Variants in PPT1 observed in about 807,000 individuals in gnomAD.
PPT1 encodes the protein ceroid-palmitoyl-palmitoyl-protein thioesterase 1.
PPT1 carries 24 observed loss-of-function variants against 44.0 expected under a neutral mutation model. The ratio of observed to expected loss-of-function variants is 0.54; its 90% CI spans 0.39 to 0.77. The LOEUF (loss-of-function observed/expected upper bound fraction) is 0.77. Ranked by LOEUF, PPT1 falls within the 30% of genes least tolerant of loss-of-function variation. The pLI is 0.00. For synonymous variants in PPT1, 148 were observed against 140.2 expected, an observed-to-expected ratio of 1.06 and a Z score of -0.39; for missense variants, 341 against 378.8, an observed-to-expected ratio of 0.90 and a Z score of 0.83.
Position 40,073,428 on chromosome 1 carries a change from CT to C in PPT1, c.*632del, listed in dbSNP as rs1336167373. 2 of 152,800 alleles carry C rather than the reference CT, an allele frequency of 1.3e-5. No homozygotes were observed. The highest frequency in any genetic ancestry group is 2.1e-4 in the South Asian group (1 of 4,874). The allele number at this position is 152,800 out of a possible 1,614,324, so 9.5% of individuals were successfully genotyped here. The stretch of plus-strand genomic sequence containing the variant: ...ACTTAATTTGGGTGCTACTTCCCTC[CT>C]TTTGTGACAGCAACTAATTCATCAC... On this transcript the variant is annotated 3_prime_UTR_variant, in exon 9 of 9. Transcript: ENST00000642050.
chr1:40,092,190 G>A lies in PPT1; in HGVS notation c.235-18C>T. 2 of 1,614,052 alleles carry A rather than the reference G, an allele frequency of 1.2e-6. No individual in the cohort carries two copies. The highest frequency in any genetic ancestry group is 1.7e-6 in the Non-Finnish European group (2 of 1,179,922). On this transcript the variant is annotated intron_variant, in intron 2 of 8. Coordinates refer to ENST00000642050, the MANE Select transcript of PPT1 (RefSeq NM_000310.4). ...TCCACGTCCTAAAAAAGAAGCCAGA[G>A]AGAAGTGAGAGGATGGGACTGAAAA... is the stretch of plus-strand genomic sequence containing the variant.
chr1:40,081,378 A>G (rs1376748127), intron 5 of PPT1, among the ~76,000 whole-genome samples: 2 of 151,900 alleles, frequency 1.3e-5, no homozygotes, highest in Admixed American at 1.3e-4. Context: ...TCTACTAAAA[A>G]TACAAAAATT....
rs866033370 is a variant in PPT1, at chr1:40,074,872, G to A, written c.799-689C>T. Among the ~76,000 whole-genome samples the A allele has an allele frequency of 2.0e-5, 3 of 152,182 alleles. 1 individual carries two copies. The highest frequency in any genetic ancestry group is 2.0e-4 in the Admixed American group (3 of 15,274). ...CTCAGAGTCAGAGGACTACCTATAG[G>A]TGGGCAAGCCATAGACGACACTGCC... On this transcript the variant is annotated intron_variant, in intron 8 of 8. Transcript: ENST00000642050.
At chr1:40,090,400 CTA>C (rs1487528848) in intron 4 of PPT1, among the ~76,000 whole-genome samples, 5 of 150,160 alleles carry the variant, frequency 3.3e-5, no homozygotes, top group African/African-American at 7.4e-5. Flanking sequence ...ATATATATGT[CTA>C]TATATGTCTA....
chr1:40,092,391 G>A lies in PPT1; in HGVS notation c.234+7C>T, dbSNP rs200777536. 20 of 1,589,458 alleles carry A rather than the reference G, an allele frequency of 1.3e-5. No homozygotes were observed. The highest frequency in any genetic ancestry group is 9.4e-5 in the African/African-American group (7 of 74,484). On this transcript the variant is annotated splice_region_variant and intron_variant, in intron 2 of 8. Coordinates refer to ENST00000642050, the MANE Select transcript of PPT1 (RefSeq NM_000310.4). ...CCCTTCAAAGGAACAGCTGTGAAGC[G>A]CCTTACCTCCATCAGGGTCTTCCCA...
intron 5 of PPT1, among the ~76,000 whole-genome samples, chr1:40,084,903 C>G (rs1431351997): frequency 6.6e-6 from 1 of 152,214 alleles, no homozygotes; most frequent in African/African-American, 2.4e-5. Flanking sequence ...AGCGGTAATG[C>G]CAGCGTCTGG....
Position 40,074,172 on chromosome 1 carries a change from C to G in PPT1, c.810G>C (p.Gly270=), listed in dbSNP as rs371213189. ...ETSLYTQDRL[G]LKEMDNAGQL... ...GTCCTGCATTGTCCATTTCCTTTAG[C>G]CCCAGGCGGTCCTGCAGAAGGAAAG... Residue 270 remains glycine (G), a synonymous_variant, in exon 9 of 9, where the codon GGG becomes GGC. Coordinates refer to ENST00000642050, the MANE Select transcript of PPT1 (RefSeq NM_000310.4). 3.3e-5 allele frequency: 53 copies of G among 1,614,012 alleles called. No homozygotes were observed. The highest frequency in any genetic ancestry group is 1.5e-4 in the Admixed American group (9 of 60,000).
At chr1:40,096,301 C>T (rs1476440310) in intron 1 of PPT1, among the ~76,000 whole-genome samples, 1 of 152,216 alleles carries the variant, frequency 6.6e-6, no homozygotes, top group Non-Finnish European at 1.5e-5. Flanking sequence ...TAATCTGCTT[C>T]TCCTACTGGA....
At position 40,081,311 on chromosome 1, in the gene PPT1, A is replaced by G. The variant is rs139152181; in HGVS notation, c.537-824T>C. On this transcript the variant is annotated intron_variant, in intron 5 of 8. Coordinates refer to ENST00000642050, the MANE Select transcript of PPT1 (RefSeq NM_000310.4). ...AGCACTTTGGGAGGCCAAGGCGGGC[A>G]GATCGCCTGAGGTCAGGAGTTCGAA... is the stretch of plus-strand genomic sequence containing the variant. 9.2e-3 allele frequency among the ~76,000 whole-genome samples: 1,406 copies of G among 152,168 alleles called. 19 individuals carry two copies. Among genetic ancestry groups the G allele is most frequent in the African/African-American group, 0.033 (1,349 of 41,502 alleles).
Position 40,080,483 on chromosome 1 carries a change from C to T in PPT1, c.541G>A (p.Val181Met), listed in dbSNP as rs148412181. The T allele has an allele frequency of 5.8e-5, 93 of 1,613,306 alleles. No individual in the cohort carries two copies. The highest frequency in any genetic ancestry group is 7.5e-5 in the Non-Finnish European group (88 of 1,179,756). Reference sequence around the variant, plus strand: ...GGGTCATGCCAGTATTCGGCTTGCACGAGGCTGTAGGAAAAAAAAAGAATG... The same window carrying T: ...GGGTCATGCCAGTATTCGGCTTGCATGAGGCTGTAGGAAAAAAAAAGAATG... Reference protein sequence around the residue: ...AYSKVVQERLVQAEYWHDPIK... With the variant: ...AYSKVVQERLMQAEYWHDPIK... Residue 181 changes from valine to methionine, a missense_variant, in exon 6 of 9, where the codon GTG (valine) becomes ATG (methionine). Val to Met is a conservative substitution (Grantham distance 21). Transcript: ENST00000642050.
chr1:40,090,539 G>C (rs1356872029), intron 4 of PPT1, among the ~76,000 whole-genome samples: 1 of 151,922 alleles, frequency 6.6e-6, no homozygotes, highest in Non-Finnish European at 1.5e-5. Context: ...TCTTGTTCCT[G>C]GCATATAATA....
chr1:40,074,032 C>A lies in PPT1; in HGVS notation c.*29G>T. ...TGTGGTTTGGAAGAGTTAGGGGCTC[C>A]CTGAGCTCTATTGTGAACTATACGG... On this transcript the variant is annotated 3_prime_UTR_variant, in exon 9 of 9. Coordinates refer to ENST00000642050, the MANE Select transcript of PPT1 (RefSeq NM_000310.4). 1 of 1,613,760 alleles carries A rather than the reference C, an allele frequency of 6.2e-7. No individual in the cohort carries two copies. The highest frequency in any genetic ancestry group is 1.1e-5 in the South Asian group (1 of 91,056).
At chr1:40,089,587 G>A (rs1355793660) in intron 4 of PPT1, 75 bp from the exon 5 acceptor site, 1 of 1,106,910 alleles carries the variant, frequency 9.0e-7, no homozygotes, top group Non-Finnish European at 1.4e-6. Flanking sequence ...AAGGCACTGT[G>A]AGAAACAAAA....
At chr1:40,097,029 C>A (rs1649893404) in intron 1 of PPT1, 86 bp downstream of exon 1, 3 of 1,610,634 alleles carry the variant, frequency 1.9e-6, no homozygotes, top group Admixed American at 3.3e-5. Context: ...CACGTCCTCG[C>A]CCTCTACACC....
downstream of PPT1, chr1:40,071,647 T>C (rs1648056982): frequency 2.9e-6 from 2 of 685,076 alleles, no homozygotes; most frequent in Middle Eastern, 4.0e-4. Flanking sequence ...GCTTCTCTGC[T>C]CTGAGAAGCA....
Position 40,073,792 on chromosome 1 carries a change from C to T in PPT1, c.*269G>A, listed in dbSNP as rs1648410209. The T allele has an allele frequency of 4.3e-6, 2 of 467,436 alleles. No individual in the cohort carries two copies. The highest frequency in any genetic ancestry group is 7.9e-6 in the Non-Finnish European group (2 of 254,606). The allele number at this position is 467,436 out of a possible 1,614,324, so 29.0% of individuals were successfully genotyped here. A position where few individuals can be genotyped will look rare whatever the true frequency, so the allele number is the denominator to read the frequency against. The stretch of plus-strand genomic sequence containing the variant: ...AGTTCTGGCACTGATCTGGAACAGA[C>T]TCCCTTTTCTAAAACTGAACTTGAC... On this transcript the variant is annotated 3_prime_UTR_variant, in exon 9 of 9. Coordinates refer to ENST00000642050, the MANE Select transcript of PPT1 (RefSeq NM_000310.4).
chr1:40,077,348 ACT>A (rs1250813347), intron 7 of PPT1, among the ~76,000 whole-genome samples: 5 of 152,220 alleles, frequency 3.3e-5, no homozygotes. Flanking sequence ...GGTTGTAACT[ACT>A]CATTGCTGCC....
intron 8 of PPT1, 196 bp downstream of exon 8, chr1:40,076,646 C>T: frequency 7.1e-7 from 1 of 1,407,932 alleles, no homozygotes; most frequent in Non-Finnish European, 9.3e-7. Flanking sequence ...TTTTGTAACC[C>T]AGTGCCTAAT....
At chr1:40,093,728 T>C (rs1033874331) in intron 1 of PPT1, among the ~76,000 whole-genome samples, 2 of 148,632 alleles carry the variant, frequency 1.3e-5, no homozygotes, top group African/African-American at 4.9e-5. Flanking sequence ...CTACTAAATA[T>C]ACAAAAATTA....
Sources: gnomAD v4.1 joint callset for allele counts (sites outside exome capture counted in the v4.1 genomes callset) on GRCh38, gnomAD v4.1.1 for gene constraint, MANE v1.5 for transcripts, NCBI Gene and HGNC (gene_info 2026-07-23, HGNC 2026-07-21) for gene names.